The following RORA variants were observed in gnomAD, a reference collection of about 807,000 sequenced individuals.
RORA encodes the protein nuclear receptor ROR-alpha.
Under a neutral mutation model 69.5 loss-of-function variants are expected in RORA, and 7 were observed. That is an observed-to-expected ratio of 0.10 (90% CI 0.06 to 0.19). RORA has a LOEUF of 0.19. Among genes scored for constraint, RORA ranks in the 10% least tolerant of loss-of-function variants. The pLI, the probability that RORA is intolerant of heterozygous loss-of-function variation, is 1.00. For missense variants in RORA, 457 were observed against 663.0 expected (o/e 0.69, Z 3.41); for synonymous variants, 261 against 240.8 (o/e 1.08, Z -0.78).
intron 1 of RORA, among the ~76,000 whole-genome samples, chr15:61,005,087 A>C (rs1440874687): frequency 6.6e-6 from 1 of 152,220 alleles, no homozygotes; most frequent in East Asian, 1.9e-4. Flanking sequence ...GATGTTCATC[A>C]CAGCATTGTT....
rs1204350301 is a variant in RORA at position 61,147,461 on chromosome 15, T to C, written c.166+81592A>G. Among the ~76,000 whole-genome samples, 1 of 152,046 alleles carries C rather than the reference T, an allele frequency of 6.6e-6. No homozygotes were observed. Among genetic ancestry groups the C allele is most frequent in the African/African-American group, 2.4e-5 (1 of 41,386 alleles). ...GTGCAATAGGACTCTGAAGAAGGAA[T>C]ATGAGAGCTTCCAGCCCTTGCTAGA... On this transcript the variant is annotated intron_variant, in intron 1 of 10. Coordinates refer to ENST00000335670, the MANE Select transcript of RORA (RefSeq NM_134261.3). The surrounding 1 kb of genome is among the most constrained non-coding windows in gnomAD (Gnocchi z 4.1).
chr15:60,497,745 C>A (rs2065205433), intron 10 of RORA, 126 bp from the exon 11 acceptor site: 2 of 756,278 alleles, frequency 2.6e-6, no homozygotes, highest in Non-Finnish European at 4.4e-6. Flanking sequence ...ACTTAAACAT[C>A]CAGTAGCAGA....
chr15:60,572,485 C>T (rs1053491424), intron 2 of RORA, among the ~76,000 whole-genome samples: 6 of 150,322 alleles, frequency 4.0e-5, no homozygotes, highest in Non-Finnish European at 7.4e-5. Flanking sequence ...CTGGATCATC[C>T]GGCTTTTACC....
chr15:60,507,557 AGAGT>A (rs1373783516), intron 5 of RORA, among the ~76,000 whole-genome samples: 1 of 152,218 alleles, frequency 6.6e-6, no homozygotes, highest in East Asian at 1.9e-4. Context: ...TGAGAAACTG[AGAGT>A]GAGAGAGAGA....
At position 60,812,937 on chromosome 15, in the gene RORA, A is replaced by G. The variant is rs114343284; in HGVS notation, c.167-134251T>C. On this transcript the variant is annotated intron_variant, in intron 1 of 10. Coordinates refer to ENST00000335670, the MANE Select transcript of RORA (RefSeq NM_134261.3). ...CCAGTTTCTGAACTATAGTGACACC[A>G]CCAAGGCAACGGGACTGTGCTGGTC... Among the ~76,000 whole-genome samples the G allele has an allele frequency of 3.4e-3, 521 of 152,312 alleles. 3 individuals are homozygous for G. Among genetic ancestry groups the G allele is most frequent in the African/African-American group, 0.012 (502 of 41,566 alleles).
Position 60,494,131 on chromosome 15 carries a change from A to ACTT in RORA, c.*3321_*3323dup, listed in dbSNP as rs1166590432. On this transcript the variant is annotated 3_prime_UTR_variant, in exon 11 of 11. Transcript: ENST00000335670. ...GAAAGGGTGAATTAGGATGCTGAAG[A>ACTT]CTTTAAAAAAAAATCCATAGCTTTA... 1 of 152,102 alleles carries ACTT rather than the reference A, an allele frequency of 6.6e-6. No individual in the cohort carries two copies. Among genetic ancestry groups the ACTT allele is most frequent in the African/African-American group, 2.4e-5 (1 of 41,424 alleles). 9.4% of individuals were successfully genotyped at this position (152,102 alleles called of 1,614,324 possible). A position where few individuals can be genotyped will look rare whatever the true frequency, so the allele number is the denominator to read the frequency against.
At chr15:61,090,374 G>A (rs1194204552) in intron 1 of RORA, among the ~76,000 whole-genome samples, 1 of 152,168 alleles carries the variant, frequency 6.6e-6, no homozygotes, top group Non-Finnish European at 1.5e-5. Flanking sequence ...GAATATGAAT[G>A]AGGCAGTTGC....
chr15:60,729,735 T>C (rs572978625), intron 1 of RORA, among the ~76,000 whole-genome samples: 1 of 152,232 alleles, frequency 6.6e-6, no homozygotes, highest in Admixed American at 6.5e-5. Flanking sequence ...CCCAACTGGA[T>C]TGTAATCATT....
intron 1 of RORA, among the ~76,000 whole-genome samples, chr15:61,164,863 C>T (rs17303509): frequency 0.074 from 11,268 of 152,174 alleles, 641 homozygotes; most frequent in South Asian, 0.22. Context: ...TTAGAGAGCA[C>T]TTTCCAAGAA....
At chr15:61,207,456 C>T (rs910226613) in intron 1 of RORA, among the ~76,000 whole-genome samples, 1 of 152,174 alleles carries the variant, frequency 6.6e-6, no homozygotes, top group Non-Finnish European at 1.5e-5. Flanking sequence ...TAGCTAGAAG[C>T]TCAGCAAATG....
At chr15:60,618,513 C>A (rs1257420809) in intron 2 of RORA, among the ~76,000 whole-genome samples, 1 of 152,118 alleles carries the variant, frequency 6.6e-6, no homozygotes, top group Admixed American at 6.5e-5. Context: ...AGGCAGGATA[C>A]CTACTTTATG....
intron 1 of RORA, among the ~76,000 whole-genome samples, chr15:60,967,138 C>T (rs1342281551): frequency 2.0e-5 from 3 of 152,132 alleles, no homozygotes; most frequent in Non-Finnish European, 4.4e-5. Flanking sequence ...CACATCATGA[C>T]TTTAAGTCCT....
At chr15:60,782,276 C>T (rs1026152102) in intron 1 of RORA, among the ~76,000 whole-genome samples, 64 of 152,024 alleles carry the variant, frequency 4.2e-4, no homozygotes, top group Non-Finnish European at 7.5e-4. Context: ...TTTCAGAAGA[C>T]CAATGATTAA....
rs184527175 is a variant in RORA at position 60,823,819 on chromosome 15, A to T, written c.167-145133T>A. Among the ~76,000 whole-genome samples, 259 of 152,194 alleles carry T rather than the reference A, an allele frequency of 1.7e-3. 1 individual carries two copies. The highest frequency in any genetic ancestry group is 5.4e-3 in the African/African-American group (225 of 41,552). ...GATAAGAAATTAAAAAAAAAAATCA[A>T]TGTAACAACTTTGGCCATAAGTGTG... On this transcript the variant is annotated intron_variant, in intron 1 of 10. Transcript: ENST00000335670.
chr15:60,705,170 C>A (rs2071043512), intron 1 of RORA, among the ~76,000 whole-genome samples: 1 of 151,354 alleles, frequency 6.6e-6, no homozygotes, highest in Non-Finnish European at 1.5e-5. Flanking sequence ...CCTACCTACA[C>A]AATGAAAAAC....
Position 60,492,007 on chromosome 15 carries a change from A to G in RORA, c.*5448T>C, listed in dbSNP as rs1438723489. The G allele has an allele frequency of 2.2e-5, 1 of 44,916 alleles. No homozygotes were observed. Among genetic ancestry groups the G allele is most frequent in the East Asian group, 6.5e-4 (1 of 1,530 alleles). 2.8% of individuals were successfully genotyped at this position (44,916 alleles called of 1,614,324 possible). On this transcript the variant is annotated 3_prime_UTR_variant, in exon 11 of 11. Coordinates refer to ENST00000335670, the MANE Select transcript of RORA (RefSeq NM_134261.3). ...TAACTTTATAAGAAGTGGCAATCAC[A>G]TGTTATGTAAAAATGTCAACGTGTG...
chr15:60,706,537 C>T (rs2071065510), intron 1 of RORA, among the ~76,000 whole-genome samples: 1 of 152,156 alleles, frequency 6.6e-6, no homozygotes, highest in African/African-American at 2.4e-5. Context: ...AGATACACTA[C>T]AAGTCTACAT....
intron 1 of RORA, among the ~76,000 whole-genome samples, chr15:60,995,054 A>G (rs776181692): frequency 5.3e-5 from 8 of 152,198 alleles, no homozygotes; most frequent in Non-Finnish European, 1.2e-4. Context: ...GCATAAAGGA[A>G]AAGATTGTTA....
chr15:60,748,053 G>T (rs1422380279), intron 1 of RORA, among the ~76,000 whole-genome samples: 1 of 152,140 alleles, frequency 6.6e-6, no homozygotes, highest in Non-Finnish European at 1.5e-5. Context: ...TCGCCCCATG[G>T]TCTTAATCTC....
Sources: gnomAD v4.1 joint callset for allele counts (sites outside exome capture counted in the v4.1 genomes callset) on GRCh38, gnomAD v4.1.1 for gene constraint, Gnocchi (gnomAD v3.1) non-coding constraint, MANE v1.5 for transcripts, NCBI Gene and HGNC (gene_info 2026-07-23, HGNC 2026-07-21) for gene names.